The following MBNL1 variants were observed in gnomAD, a reference collection of about 807,000 sequenced individuals.
MBNL1 encodes the protein muscleblind-like protein 1.
MBNL1 carries 8 observed loss-of-function variants against 42.2 expected under a neutral mutation model. The ratio of observed to expected loss-of-function variants is 0.19; its 90% CI spans 0.11 to 0.34. The LOEUF is 0.34. Ranked by LOEUF, MBNL1 falls within the 10% of genes least tolerant of loss-of-function variation. The probability of loss-of-function intolerance (pLI) is 1.00; values close to 1 mark genes in which losing one functional copy is unlikely to be tolerated. For missense variants in MBNL1, 309 were observed against 495.3 expected (o/e 0.62, Z 3.57); for synonymous variants, 169 against 173.9 (o/e 0.97, Z 0.22).
chr3:152,369,950 T>TA (rs1438274279), intron 2 of MBNL1, among the ~76,000 whole-genome samples: 3 of 152,194 alleles, frequency 2.0e-5, no homozygotes, highest in African/African-American at 7.2e-5. Context: ...GTGAATCTTT[T>TA]CAAAAAACCA....
chr3:152,395,804 T>G (rs1382416957), intron 2 of MBNL1, among the ~76,000 whole-genome samples: 1 of 152,242 alleles, frequency 6.6e-6, no homozygotes, highest in Non-Finnish European at 1.5e-5. Flanking sequence ...CACTGTCTGT[T>G]GCCTAGCGGG....
intron 2 of MBNL1, chr3:152,244,485 C>A (rs2032407875): frequency 6.6e-6 from 1 of 152,096 alleles, no homozygotes; most frequent in Non-Finnish European, 1.5e-5. Flanking sequence ...ATTTGGATTG[C>A]TATTTATATA....
intron 1 of MBNL1, among the ~76,000 whole-genome samples, chr3:152,288,075 C>T (rs975749483): frequency 2.0e-5 from 3 of 152,102 alleles, no homozygotes; most frequent in African/African-American, 2.4e-5. Context: ...TCTGACTACA[C>T]GGTAAAATCA....
chr3:152,344,477 A>G (rs1380083547), intron 2 of MBNL1, among the ~76,000 whole-genome samples: 3 of 152,124 alleles, frequency 2.0e-5, no homozygotes, highest in Non-Finnish European at 4.4e-5. Context: ...AAAACCCTGG[A>G]TATTGTGTGC....
chr3:152,397,819 A>G (rs1397191737), intron 2 of MBNL1, among the ~76,000 whole-genome samples: 1 of 152,214 alleles, frequency 6.6e-6, no homozygotes, highest in East Asian at 1.9e-4. Flanking sequence ...ACCATAAACC[A>G]GTAAACTAGC....
intron 3 of MBNL1, among the ~76,000 whole-genome samples, chr3:152,431,174 C>T (rs999235364): frequency 1.1e-4 from 17 of 152,084 alleles, no homozygotes; most frequent in East Asian, 3.9e-4. Context: ...TTCTTTGTTG[C>T]GAGGGGCTGT....
At chr3:152,274,031 A>T (rs947656994) in intron 1 of MBNL1, among the ~76,000 whole-genome samples, 2 of 152,208 alleles carry the variant, frequency 1.3e-5, no homozygotes, top group Non-Finnish European at 2.9e-5. Context: ...GATGATGTCC[A>T]TGCTGATGTC....
intron 4 of MBNL1, among the ~76,000 whole-genome samples, chr3:152,441,896 A>C (rs1560609412): frequency 6.6e-6 from 1 of 152,092 alleles, no homozygotes; most frequent in Non-Finnish European, 1.5e-5. Flanking sequence ...AGGTTCAAGC[A>C]ATTCTCGTGC....
chr3:152,416,631 T>TA lies in MBNL1; in HGVS notation c.345+1521dup, dbSNP rs1224992804. Among the ~76,000 whole-genome samples the TA allele has an allele frequency of 7.2e-5, 11 of 152,308 alleles. No homozygotes were observed. In the South Asian group the frequency reaches 1.0e-3, roughly 14 times the overall value. ...TTAAAGCATGCTTACCACCAGGCTG[T>TA]ACCCTCTCTGTGACTGGGAGCACCT... On this transcript the variant is annotated intron_variant, in intron 3 of 9. Coordinates refer to ENST00000324210, the MANE Select transcript of MBNL1 (RefSeq NM_021038.5).
intron 6 of MBNL1, among the ~76,000 whole-genome samples, chr3:152,453,116 T>G (rs62272745): frequency 6.6e-6 from 1 of 152,044 alleles, no homozygotes; most frequent in African/African-American, 2.4e-5. Context: ...ATCCAACTGA[T>G]TGTTAACTTT....
rs533157205 is a variant in MBNL1 at position 152,286,077 on chromosome 3, A to G, written c.-789-13328A>G. Among the ~76,000 whole-genome samples the G allele has an allele frequency of 1.3e-4, 20 of 151,846 alleles. No homozygotes were observed. The South Asian group carries it at 3.9e-3, about 30-fold the overall frequency. ...AAGGGGCATTATGTAATGAAGGAGC[A>G]TACATTTTTAGTTTTATCCAGGATA... On this transcript the variant is annotated intron_variant, in intron 1 of 9. Coordinates refer to ENST00000324210, the MANE Select transcript of MBNL1 (RefSeq NM_021038.5).
intron 2 of MBNL1, among the ~76,000 whole-genome samples, chr3:152,373,230 T>C (rs1274858953): frequency 6.6e-6 from 1 of 151,698 alleles, no homozygotes; most frequent in African/African-American, 2.4e-5. Context: ...TTTAGCTTGC[T>C]GGGCTCTGTG....
At chr3:152,313,274 C>T (rs942377580) in intron 2 of MBNL1, among the ~76,000 whole-genome samples, 47 of 152,158 alleles carry the variant, frequency 3.1e-4, no homozygotes, top group African/African-American at 1.1e-3. Flanking sequence ...CTGCCTGCCT[C>T]GGCCTCCCAA....
At chr3:152,337,041 A>T (rs943191036) in intron 2 of MBNL1, among the ~76,000 whole-genome samples, 3 of 152,180 alleles carry the variant, frequency 2.0e-5, no homozygotes, top group African/African-American at 7.2e-5. Context: ...TTTTCATTTC[A>T]TACATATTAG....
intron 2 of MBNL1, among the ~76,000 whole-genome samples, chr3:152,378,087 T>C (rs991581043): frequency 6.6e-6 from 1 of 152,164 alleles, no homozygotes; most frequent in African/African-American, 2.4e-5. Flanking sequence ...CTGTAATCCC[T>C]GTGCTTTGAG....
intron 2 of MBNL1, among the ~76,000 whole-genome samples, chr3:152,402,743 A>G (rs1016917657): frequency 6.6e-6 from 1 of 152,202 alleles, no homozygotes; most frequent in African/African-American, 2.4e-5. Context: ...GGGCTATAGT[A>G]TGTCAGTTTA....
chr3:152,331,732 C>G (rs573439677), intron 2 of MBNL1, among the ~76,000 whole-genome samples: 1 of 152,194 alleles, frequency 6.6e-6, no homozygotes, highest in South Asian at 2.1e-4. Context: ...AGTTTTTGCT[C>G]TGTTGCCCAG....
At chr3:152,322,916 T>C (rs2077261328) in intron 2 of MBNL1, among the ~76,000 whole-genome samples, 1 of 152,062 alleles carries the variant, frequency 6.6e-6, no homozygotes, top group Non-Finnish European at 1.5e-5. Flanking sequence ...TGCTAGTGAA[T>C]TACATTTGTT....
chr3:152,433,029 C>G (rs1417376595), intron 4 of MBNL1, 109 bp downstream of exon 4: 1 of 961,996 alleles, frequency 1.0e-6, no homozygotes, highest in African/African-American at 1.7e-5. Flanking sequence ...AATTTTAAAA[C>G]AGATTTTGGC....
Sources: gnomAD v4.1 joint callset for allele counts (sites outside exome capture counted in the v4.1 genomes callset) on GRCh38, gnomAD v4.1.1 for gene constraint, MANE v1.5 for transcripts, NCBI Gene and HGNC (gene_info 2026-07-23, HGNC 2026-07-21) for gene names.